Variants in PPP1CB observed in about 807,000 individuals in gnomAD.
PPP1CB encodes the protein serine/threonine-protein phosphatase PP1-beta catalytic subunit.
PPP1CB carries 2 observed loss-of-function variants against 43.7 expected under a neutral mutation model. The observed-to-expected ratio is 0.05, with a 90% CI of 0.02 to 0.14. PPP1CB has a LOEUF of 0.14. Ranked by LOEUF, PPP1CB falls within the 10% of genes least tolerant of loss-of-function variation. The pLI, the probability that PPP1CB is intolerant of heterozygous loss-of-function variation, is 1.00. For synonymous variants in PPP1CB, 136 were observed against 135.6 expected (o/e 1.00, Z -0.02); for missense variants, 84 against 398.0 (o/e 0.21, Z 6.71).
At chr2:28,776,628 G>A (rs1286381357) in intron 1 of PPP1CB, among the ~76,000 whole-genome samples, 1 of 152,072 alleles carries the variant, frequency 6.6e-6, no homozygotes, top group Non-Finnish European at 1.5e-5. Context: ...AAACAGGACT[G>A]CATTTCATCA....
intron 1 of PPP1CB, among the ~76,000 whole-genome samples, chr2:28,760,641 C>G (rs777063145): frequency 5.9e-5 from 9 of 152,166 alleles, no homozygotes; most frequent in Non-Finnish European, 1.3e-4. Context: ...TAACCTTCCC[C>G]CTAGTCCTAC....
intron 5 of PPP1CB, among the ~76,000 whole-genome samples, chr2:28,785,460 T>G (rs1293698076): frequency 6.6e-6 from 1 of 152,092 alleles, no homozygotes; most frequent in African/African-American, 2.4e-5. Context: ...TGATTGTAAT[T>G]ATAGAATACA....
intron 1 of PPP1CB, among the ~76,000 whole-genome samples, chr2:28,770,744 A>G (rs568165801): frequency 2.0e-5 from 3 of 152,002 alleles, no homozygotes; most frequent in South Asian, 2.1e-4. Flanking sequence ...CTTGGCGGAC[A>G]TAGAACACTT....
At chr2:28,792,425 G>A (rs1263028536) in intron 6 of PPP1CB, among the ~76,000 whole-genome samples, 1 of 152,158 alleles carries the variant, frequency 6.6e-6, no homozygotes, top group Non-Finnish European at 1.5e-5. Flanking sequence ...GGAGGCTGAG[G>A]TGGGAAGATC....
chr2:28,766,864 G>A (rs1024097918), intron 1 of PPP1CB, among the ~76,000 whole-genome samples: 1 of 152,170 alleles, frequency 6.6e-6, no homozygotes, highest in African/African-American at 2.4e-5. Flanking sequence ...GGCAGATCAC[G>A]AGGTCAGGAG....
intron 1 of PPP1CB, among the ~76,000 whole-genome samples, chr2:28,762,787 G>A (rs1285867311): frequency 6.6e-6 from 1 of 152,194 alleles, no homozygotes; most frequent in African/African-American, 2.4e-5. Flanking sequence ...CAGATGTCCA[G>A]ATGTTGAAAC....
At position 28,752,950 on chromosome 2, in the gene PPP1CB, A is replaced by G. The variant is rs542192402; in HGVS notation, c.52+774A>G. On this transcript the variant is annotated intron_variant, in intron 1 of 7. Coordinates refer to ENST00000395366, the MANE Select transcript of PPP1CB (RefSeq NM_002709.3). Reference sequence around the variant, plus strand: ...TTTTAAAGCCTGTCTTGTATTCGAAAGGTATTTGTAGGTCTACGCAGCATT... The same window carrying G: ...TTTTAAAGCCTGTCTTGTATTCGAAGGGTATTTGTAGGTCTACGCAGCATT... 1.6e-4 allele frequency among the ~76,000 whole-genome samples: 24 copies of G among 152,342 alleles called. 1 individual carries two copies. Among genetic ancestry groups the G allele is most frequent in the African/African-American group, 5.1e-4 (21 of 41,580 alleles).
At chr2:28,784,756 T>G (rs1451339114) in intron 5 of PPP1CB, among the ~76,000 whole-genome samples, 2 of 151,490 alleles carry the variant, frequency 1.3e-5, no homozygotes, top group Admixed American at 1.3e-4. Flanking sequence ...CCATCTCTAC[T>G]AAAAATAACA....
chr2:28,765,417 A>G (rs1666759648), intron 1 of PPP1CB, among the ~76,000 whole-genome samples: 1 of 152,218 alleles, frequency 6.6e-6, no homozygotes, highest in Non-Finnish European at 1.5e-5. Flanking sequence ...ATGTCATTAC[A>G]TTGCAGATTA....
In PPP1CB at chr2:28,756,258, A is replaced by C. The variant is rs541150195; in HGVS notation, c.52+4082A>C. Among the ~76,000 whole-genome samples, 9 of 152,374 alleles carry C rather than the reference A, an allele frequency of 5.9e-5. No homozygotes were observed. In the East Asian group the frequency reaches 1.7e-3, roughly 29 times the overall value. On this transcript the variant is annotated intron_variant, in intron 1 of 7. Transcript: ENST00000395366. The stretch of plus-strand genomic sequence containing the variant: ...ATTACAATATGAGTTGTAGAATATT[A>C]GCACTGTGTAAAGTTCCATAGCAAA...
chr2:28,756,698 G>T (rs1666496903), intron 1 of PPP1CB, among the ~76,000 whole-genome samples: 1 of 152,120 alleles, frequency 6.6e-6, no homozygotes, highest in Admixed American at 6.5e-5. Context: ...TGGTTGCCCA[G>T]TCTGGTCTTG....
chr2:28,797,210 GGATATTGGCCT>G (rs1253311523), intron 7 of PPP1CB, among the ~76,000 whole-genome samples: 1 of 152,086 alleles, frequency 6.6e-6, no homozygotes, highest in African/African-American at 2.4e-5. Flanking sequence ...TGTTCATCAG[GGATATTGGCCT>G]GAGGTTTTCT....
intron 1 of PPP1CB, among the ~76,000 whole-genome samples, chr2:28,755,447 G>T (rs907364763): frequency 2.0e-5 from 3 of 152,056 alleles, no homozygotes; most frequent in Admixed American, 6.6e-5. Flanking sequence ...ATATTCTTTC[G>T]GTATGTTTTC....
intron 1 of PPP1CB, among the ~76,000 whole-genome samples, chr2:28,758,045 T>A (rs1250047769): frequency 6.6e-6 from 1 of 151,612 alleles, no homozygotes; most frequent in East Asian, 1.9e-4. Context: ...TTTTTTTTAA[T>A]TAATTTTTTT....
rs768780907 is a variant in PPP1CB, at chr2:28,759,081, GTAGT to G, written c.52+6910_52+6913del. Among the ~76,000 whole-genome samples, 10 of 152,324 alleles carry G rather than the reference GTAGT, an allele frequency of 6.6e-5. No homozygotes were observed. The South Asian group carries it at 2.1e-3, about 32-fold the overall frequency. On this transcript the variant is annotated intron_variant, in intron 1 of 7. Coordinates refer to ENST00000395366, the MANE Select transcript of PPP1CB (RefSeq NM_002709.3). ...TGGTCAACAGTGGACTTCATGTAAGGTAGTTAGTGGTCCTGTAAGATTAGAATGG... is the reference window on the plus strand; with the variant it reads ...TGGTCAACAGTGGACTTCATGTAAGGTAGTGGTCCTGTAAGATTAGAATGG...
At chr2:28,782,614 A>G (rs770771087) in intron 4 of PPP1CB, 4 of 152,192 alleles carry the variant, frequency 2.6e-5, no homozygotes, top group Non-Finnish European at 5.9e-5. Flanking sequence ...TTTGTTGTCT[A>G]GTTTAGGGAA....
intron 1 of PPP1CB, among the ~76,000 whole-genome samples, chr2:28,772,008 A>AT (rs1666924573): frequency 6.6e-6 from 1 of 151,864 alleles, no homozygotes; most frequent in Admixed American, 6.6e-5. Context: ...TAAAGGGTCT[A>AT]TTAGGCACAT....
rs561744878 is a variant in PPP1CB at position 28,784,126 on chromosome 2, C to A, written c.592+148C>A. The A allele has an allele frequency of 1.5e-4, 84 of 552,870 alleles. No homozygotes were observed. Among genetic ancestry groups the A allele is most frequent in the Non-Finnish European group, 2.4e-4 (76 of 314,188 alleles). 34.2% of individuals were successfully genotyped at this position (552,870 alleles called of 1,614,324 possible). On this transcript the variant is annotated intron_variant, in intron 5 of 7. Coordinates refer to ENST00000395366, the MANE Select transcript of PPP1CB (RefSeq NM_002709.3). The stretch of plus-strand genomic sequence containing the variant: ...AGCCAGCTACAGATTACTTTATTTG[C>A]AGTAATACACAATTTTTCACTTTGC...
intron 7 of PPP1CB, among the ~76,000 whole-genome samples, chr2:28,797,128 G>A (rs1356459384): frequency 6.6e-6 from 1 of 152,118 alleles, no homozygotes; most frequent in Non-Finnish European, 1.5e-5. Flanking sequence ...AACCCTTCTT[G>A]ATTGTGGTGA....
Sources: gnomAD v4.1 joint callset for allele counts (sites outside exome capture counted in the v4.1 genomes callset) on GRCh38, gnomAD v4.1.1 for gene constraint, MANE v1.5 for transcripts, NCBI Gene and HGNC (gene_info 2026-07-23, HGNC 2026-07-21) for gene names.